Variants in DNMBP observed in about 807,000 individuals in gnomAD.
DNMBP encodes dynamin binding protein, also known as dynamin-binding protein.
In DNMBP, 87 loss-of-function variants were observed where a neutral mutation model predicts 150.0. The observed-to-expected ratio is 0.58, with a 90% CI of 0.49 to 0.69. The LOEUF (loss-of-function observed/expected upper bound fraction) is 0.69, where lower values mean the gene tolerates loss of function less well. Among genes scored for constraint, DNMBP ranks in the 30% least tolerant of loss-of-function variants. The pLI is 0.00. For synonymous variants in DNMBP, 711 were observed against 750.4 expected, an observed-to-expected ratio of 0.95 and a Z score of 0.86; for missense variants, 1,774 against 1,949.0, an observed-to-expected ratio of 0.91 and a Z score of 1.69.
intron 1 of DNMBP, among the ~76,000 whole-genome samples, chr10:99,982,064 A>G (rs1049805399): frequency 6.6e-6 from 1 of 152,108 alleles, no homozygotes; most frequent in African/African-American, 2.4e-5. Context: ...CAATTACCCA[A>G]TTTGAGTGTG....
intron 4 of DNMBP, chr10:99,927,103 G>A (rs898814465): frequency 1.3e-5 from 2 of 152,434 alleles, no homozygotes; most frequent in Non-Finnish European, 2.9e-5. Flanking sequence ...GCCTGGGGGA[G>A]AGGCTGGAGA....
At chr10:99,942,798 G>A (rs998775536) in intron 4 of DNMBP, among the ~76,000 whole-genome samples, 27 of 152,024 alleles carry the variant, frequency 1.8e-4, no homozygotes, top group Admixed American at 2.6e-4. Context: ...GCCTATTAAC[G>A]GGTTCTGATG....
Position 99,885,768 on chromosome 10 carries a change from C to T in DNMBP, c.3717G>A (p.Pro1239=), listed in dbSNP as rs1196199815. Reference sequence around the variant, plus strand: ...GCTTCTTGGTAGCTGGAAGAGACTCCGGGAAGAAGGTAAAAACCTGGAGTT... The same window carrying T: ...GCTTCTTGGTAGCTGGAAGAGACTCTGGGAAGAAGGTAAAAACCTGGAGTT... ...LQQLQVFTFF[P]ESLPATKKPF... is the part of the protein sequence containing the mutation. Residue 1239 remains proline (P), a synonymous_variant, in exon 14 of 17, where the codon CCG becomes CCA. Transcript: ENST00000324109. 12 of 1,608,222 alleles carry T rather than the reference C, an allele frequency of 7.5e-6. 1 individual carries two copies. The highest frequency in any genetic ancestry group is 5.6e-5 in the South Asian group (5 of 89,626).
intron 4 of DNMBP, among the ~76,000 whole-genome samples, chr10:99,910,518 G>C (rs1036883491): frequency 3.3e-5 from 5 of 152,200 alleles, no homozygotes; most frequent in Admixed American, 2.6e-4. Context: ...ACTCCAGACT[G>C]GGTGACAGAG....
chr10:99,938,542 C>T (rs1229566787), intron 4 of DNMBP, among the ~76,000 whole-genome samples: 7 of 152,010 alleles, frequency 4.6e-5, no homozygotes, highest in African/African-American at 1.7e-4. Flanking sequence ...GAGACTCCAT[C>T]TCAAAAAATA....
intron 3 of DNMBP, among the ~76,000 whole-genome samples, chr10:99,961,708 T>C (rs1481013299): frequency 9.9e-5 from 15 of 152,150 alleles, no homozygotes; most frequent in Admixed American, 9.8e-4. Context: ...AGTTTTACCA[T>C]CTCCCTCCCC....
chr10:99,903,901 G>A (rs1036320433), intron 6 of DNMBP, among the ~76,000 whole-genome samples: 1 of 151,384 alleles, frequency 6.6e-6, no homozygotes, highest in African/African-American at 2.4e-5. Context: ...AGTCAGCACT[G>A]TTTTGATGAA....
intron 4 of DNMBP, chr10:99,928,012 CT>C (rs1249541087): frequency 6.6e-6 from 1 of 152,128 alleles, no homozygotes; most frequent in Non-Finnish European, 1.5e-5. Context: ...CAGAATCAGA[CT>C]TTTTTCTTTT....
At chr10:99,879,084 C>CAAAA (rs71009780) in intron 16 of DNMBP, among the ~76,000 whole-genome samples, 7 of 62,406 alleles carry the variant, frequency 1.1e-4, no homozygotes, top group South Asian at 6.3e-4. Flanking sequence ...GACTCTGTCT[C>CAAAA]AAAAAAAAAA....
intron 1 of DNMBP, among the ~76,000 whole-genome samples, chr10:99,982,795 T>C (rs2040792376): frequency 6.6e-6 from 1 of 151,776 alleles, no homozygotes; most frequent in South Asian, 2.1e-4. Flanking sequence ...TCTACAAAAA[T>C]ATAAAAATTA....
chr10:99,985,870 C>T (rs1025399495), intron 1 of DNMBP, among the ~76,000 whole-genome samples: 4 of 152,216 alleles, frequency 2.6e-5, no homozygotes, highest in African/African-American at 9.6e-5. Context: ...CCTGCCTCAG[C>T]CTCCCATGTA....
intron 4 of DNMBP, chr10:99,930,960 G>A (rs888092076): frequency 2.7e-5 from 13 of 482,582 alleles, no homozygotes; most frequent in African/African-American, 2.6e-4. Flanking sequence ...TCCAATCAGC[G>A]AGCTACTCTA....
At chr10:99,915,108 A>AAAATATATATATATATATAT (rs10654940) in intron 4 of DNMBP, among the ~76,000 whole-genome samples, 4 of 99,804 alleles carry the variant, frequency 4.0e-5, no homozygotes, top group African/African-American at 1.8e-4. Context: ...AAAAAAAAAA[A>AAAATATATATATATATATAT]ATATATATAT....
At chr10:99,964,047 G>A (rs1297212428) in intron 3 of DNMBP, among the ~76,000 whole-genome samples, 2 of 151,828 alleles carry the variant, frequency 1.3e-5, no homozygotes, top group Admixed American at 6.6e-5. Flanking sequence ...TCTTACGTGA[G>A]GCAATTATTA....
intron 1 of DNMBP, among the ~76,000 whole-genome samples, chr10:99,992,596 G>A (rs796485002): frequency 1.6e-4 from 23 of 148,348 alleles, no homozygotes; most frequent in Admixed American, 2.7e-4. Flanking sequence ...GCGTGATCTC[G>A]GCTCACTGCA....
chr10:99,884,148 TC>T lies in DNMBP; in HGVS notation c.3859del (p.Glu1287LysfsTer28). On this transcript the variant is annotated frameshift_variant, in exon 15 of 17. Coordinates refer to ENST00000324109, the MANE Select transcript of DNMBP (RefSeq NM_015221.4). LOFTEE classifies it high-confidence loss of function. Reference protein sequence around the residue: ...RASLLARYPPEKLFQAERNFN... With the variant: ...RASLLARYPPXKLFQAERNFN... ...GTTCCGTTCTGCCTGGAAGAGTTTT[TC>T]AGGGGGATACCTGGCCAGGAGGGAG... The T allele has an allele frequency of 1.9e-6, 3 of 1,614,152 alleles. No homozygotes were observed. The highest frequency in any genetic ancestry group is 2.5e-6 in the Non-Finnish European group (3 of 1,180,030).
intron 1 of DNMBP, among the ~76,000 whole-genome samples, chr10:99,978,221 T>C (rs565795074): frequency 3.9e-5 from 6 of 152,322 alleles, no homozygotes; most frequent in African/African-American, 1.2e-4. Flanking sequence ...TTGATTCCCA[T>C]GCCCACGTTC....
At chr10:99,972,765 T>G (rs760554411) in intron 1 of DNMBP, among the ~76,000 whole-genome samples, 1 of 152,150 alleles carries the variant, frequency 6.6e-6, no homozygotes, top group African/African-American at 2.4e-5. Context: ...CGCACACCAC[T>G]GTGCCTGACT....
intron 1 of DNMBP, among the ~76,000 whole-genome samples, chr10:99,978,246 A>C (rs1418150675): frequency 6.6e-6 from 1 of 152,190 alleles, no homozygotes; most frequent in Non-Finnish European, 1.5e-5. Context: ...TATGGCAAAC[A>C]TCACTTTTCT....
Sources: allele counts gnomAD v4.1 joint callset (sites outside exome capture counted in the v4.1 genomes callset), GRCh38; gene constraint gnomAD v4.1.1; transcripts MANE v1.5; gene names NCBI Gene and HGNC (gene_info 2026-07-23, HGNC 2026-07-21).